The following NFATC2 variants were observed in gnomAD, a reference collection of about 807,000 sequenced individuals.
The protein encoded by NFATC2 is nuclear factor of activated T-cells, cytoplasmic 2.
NFATC2 carries 22 observed loss-of-function variants against 87.3 expected under a neutral mutation model. That is an observed-to-expected ratio of 0.25 (90% CI 0.18 to 0.36). NFATC2 has a LOEUF of 0.36. Ranked by LOEUF, NFATC2 falls within the 10% of genes least tolerant of loss-of-function variation. The probability of loss-of-function intolerance (pLI) is 1.00; values close to 1 mark genes in which losing one functional copy is unlikely to be tolerated. For synonymous variants in NFATC2, 565 were observed against 542.2 expected (o/e 1.04, Z -0.58); for missense variants, 1,149 against 1,259.1 (o/e 0.91, Z 1.32).
chr20:51,465,673 A>T lies in NFATC2; in HGVS notation c.1708+8307T>A, dbSNP rs78614847. 3.3e-3 allele frequency among the ~76,000 whole-genome samples: 499 copies of T among 152,160 alleles called. 3 individuals carry two copies. The highest frequency in any genetic ancestry group is 5.4e-3 in the Non-Finnish European group (368 of 68,012). ...CTCACAGGGGCCTTCCCTGATCGGCATGACAGACACATATTTAACCAGCCT... is the reference window on the plus strand; with the variant it reads ...CTCACAGGGGCCTTCCCTGATCGGCTTGACAGACACATATTTAACCAGCCT... On this transcript the variant is annotated intron_variant, in intron 5 of 10. Transcript: ENST00000371564.
chr20:51,444,850 C>G (rs530269256), intron 6 of NFATC2, among the ~76,000 whole-genome samples: 9 of 152,160 alleles, frequency 5.9e-5, no homozygotes, highest in African/African-American at 1.9e-4. Flanking sequence ...CAGGAATGGC[C>G]CCCCCAGCTT....
chr20:51,523,998 C>G lies in NFATC2; in HGVS notation c.243G>C (p.Glu81Asp). ...PYSPLASLSG[E>D]PPGRFGEPDR... is the part of the protein sequence containing the mutation. ...CCGGCTCTCCGAATCGGCCGGGGGGCTCGCCAGAGAGACTAGCAAGGGGGC... is the reference window on the plus strand; with the variant it reads ...CCGGCTCTCCGAATCGGCCGGGGGGGTCGCCAGAGAGACTAGCAAGGGGGC... Residue 81 changes from glutamate (E) to aspartate (D), a missense_variant, in exon 2 of 11, where the codon GAG (glutamate) becomes GAC (aspartate). Physicochemically the swap from Glu to Asp is conservative, Grantham distance 45. This residue lies in a region of NFATC2 where 563 missense variants were observed against 585.2 expected (regional missense o/e 0.96). Transcript: ENST00000371564. This position sits in a 1 kb window ranked among gnomAD's most constrained non-coding sequence, Gnocchi z 6.9. 2.6e-6 allele frequency: 4 copies of G among 1,568,044 alleles called. No individual in the cohort carries two copies. Among genetic ancestry groups the G allele is most frequent in the Non-Finnish European group, 3.4e-6 (4 of 1,162,564 alleles).
At chr20:51,423,540 A>G (rs2146309094) in intron 9 of NFATC2, among the ~76,000 whole-genome samples, 1 of 152,286 alleles carries the variant, frequency 6.6e-6, no homozygotes, top group Non-Finnish European at 1.5e-5. Context: ...AGGGCCTTTA[A>G]AATTGGTTAT....
At chr20:51,530,935 C>T (rs375160706) in intron 1 of NFATC2, among the ~76,000 whole-genome samples, 4 of 152,290 alleles carry the variant, frequency 2.6e-5, no homozygotes. Context: ...TTCTTAGAGG[C>T]AGATAGGAGT....
intron 3 of NFATC2, among the ~76,000 whole-genome samples, chr20:51,490,047 T>C (rs908926609): frequency 6.6e-6 from 1 of 152,210 alleles, no homozygotes; most frequent in African/African-American, 2.4e-5. Flanking sequence ...TCAACAAATA[T>C]TTGTTAAGTT....
At chr20:51,481,567 T>C (rs1490115054) in intron 3 of NFATC2, among the ~76,000 whole-genome samples, 1 of 152,126 alleles carries the variant, frequency 6.6e-6, no homozygotes, top group Non-Finnish European at 1.5e-5. Flanking sequence ...GTGCTTCTAG[T>C]GCACACCGTG....
chr20:51,394,265 T>TC (rs1341351311), intron 10 of NFATC2, among the ~76,000 whole-genome samples: 4 of 151,362 alleles, frequency 2.6e-5, no homozygotes, highest in Admixed American at 6.6e-5. Flanking sequence ...GAGAGGGGGG[T>TC]CTCTGCTCAA....
Position 51,480,646 on chromosome 20 carries a change from G to A in NFATC2, c.1333-4986C>T, listed in dbSNP as rs1339838758. 6.6e-6 allele frequency among the ~76,000 whole-genome samples: 1 copy of A among 152,192 alleles called. No individual in the cohort carries two copies. Among genetic ancestry groups the A allele is most frequent in the Non-Finnish European group, 1.5e-5 (1 of 68,044 alleles). On this transcript the variant is annotated intron_variant, in intron 3 of 10. Coordinates refer to ENST00000371564, the MANE Select transcript of NFATC2 (RefSeq NM_012340.5). This position sits in a 1 kb window ranked among gnomAD's most constrained non-coding sequence, Gnocchi z 4.2. ...CAGACATATCTGAATTTCGATGCCA[G>A]CTCTGCTTCTTGATGGCTGTGTGAC...
Position 51,435,726 on chromosome 20 carries a change from C to G in NFATC2, c.1885G>C (p.Asp629His). The stretch of plus-strand genomic sequence containing the variant: ...CTTACGGGCTGGCTCTTGTCCTTAT[C>G]CACCGTGGCTTCCATCTCCCAAATT... ...QQIWEMEATV[D>H]KDKSQPNMLF... is the part of the protein sequence containing the mutation. The change falls in exon 7 of 11, where the codon GAT (aspartate) becomes CAT (histidine). Residue 629 changes from aspartate (D) to histidine (H), a missense_variant. By Grantham distance (81) the Asp-to-His change is moderately conservative. Transcript: ENST00000371564. The G allele has an allele frequency of 6.2e-7, 1 of 1,609,528 alleles. No homozygotes were observed. Among genetic ancestry groups the G allele is most frequent in the Admixed American group, 1.7e-5 (1 of 59,584 alleles).
chr20:51,435,722 T>G lies in NFATC2; in HGVS notation c.1889A>C (p.Lys630Thr). ...QIWEMEATVDKDKSQPNMLFV... is the reference protein window; with the variant it reads ...QIWEMEATVDTDKSQPNMLFV... ...CGTGCTTACGGGCTGGCTCTTGTCC[T>G]TATCCACCGTGGCTTCCATCTCCCA... The change falls in exon 7 of 11, where the codon AAG (lysine) becomes ACG (threonine). Residue 630 changes from lysine to threonine, a missense_variant. This residue lies in a region of NFATC2 where 581 missense variants were observed against 649.7 expected (regional missense o/e 0.89). Coordinates refer to ENST00000371564, the MANE Select transcript of NFATC2 (RefSeq NM_012340.5). The G allele has an allele frequency of 3.7e-6, 6 of 1,609,652 alleles. No homozygotes were observed. Among genetic ancestry groups the G allele is most frequent in the Non-Finnish European group, 5.1e-6 (6 of 1,177,918 alleles).
At chr20:51,428,630 G>A (rs865929057) in intron 9 of NFATC2, among the ~76,000 whole-genome samples, 34 of 152,294 alleles carry the variant, frequency 2.2e-4, no homozygotes, top group African/African-American at 7.7e-4. Context: ...TGCAGGAAAC[G>A]ATAACTCAGA....
intron 5 of NFATC2, among the ~76,000 whole-genome samples, chr20:51,463,866 C>T (rs1395919929): frequency 2.6e-5 from 4 of 152,158 alleles, no homozygotes; most frequent in Admixed American, 6.5e-5. Context: ...GTGGGTACAT[C>T]GTAGGTGTTC....
chr20:51,464,738 T>C, intron 5 of NFATC2, among the ~76,000 whole-genome samples: 1 of 152,254 alleles, frequency 6.6e-6, no homozygotes, highest in Non-Finnish European at 1.5e-5. Flanking sequence ...CTCTGATTTA[T>C]AATGAGATGA....
chr20:51,526,247 T>C (rs1045074320), intron 1 of NFATC2, among the ~76,000 whole-genome samples: 1 of 152,120 alleles, frequency 6.6e-6, no homozygotes, highest in Non-Finnish European at 1.5e-5. Flanking sequence ...CCACAGCCCA[T>C]GGGCCAAATG....
Position 51,555,321 on chromosome 20 carries a change from C to T in NFATC2, c.70+7239G>A, listed in dbSNP as rs552659327. On this transcript the variant is annotated intron_variant, in intron 1 of 10. Coordinates refer to the NFATC2 transcript ENST00000414705. ...TACAAGATCCTATGTGGGCCGGGTG[C>T]GGTGGCTCATGCCTGTAATCCCAGC... Among the ~76,000 whole-genome samples the T allele has an allele frequency of 4.6e-5, 7 of 152,212 alleles. No individual in the cohort carries two copies. The South Asian group carries it at 8.3e-4, about 18-fold the overall frequency.
At chr20:51,518,009 G>T (rs1252056689) in intron 2 of NFATC2, among the ~76,000 whole-genome samples, 1 of 152,120 alleles carries the variant, frequency 6.6e-6, no homozygotes, top group Admixed American at 6.5e-5. Context: ...ATCATGGGGG[G>T]CATGATTGTA....
intron 1 of NFATC2, among the ~76,000 whole-genome samples, chr20:51,532,114 T>A (rs74710835): frequency 0.054 from 8,255 of 152,200 alleles, 546 homozygotes; most frequent in African/African-American, 0.15. Context: ...TACTAGCACA[T>A]CTATACCACT....
intron 3 of NFATC2, among the ~76,000 whole-genome samples, chr20:51,487,619 A>G (rs1989824166): frequency 6.6e-6 from 1 of 152,222 alleles, no homozygotes; most frequent in Non-Finnish European, 1.5e-5. Context: ...GCCACAGCTG[A>G]AAAAGAACCC....
At chr20:51,529,673 A>G (rs1231055708) in intron 1 of NFATC2, among the ~76,000 whole-genome samples, 1 of 151,960 alleles carries the variant, frequency 6.6e-6, no homozygotes, top group Non-Finnish European at 1.5e-5. Flanking sequence ...TTTTTTAACC[A>G]CTTGCACGAT....
Sources: gnomAD v4.1 joint callset for allele counts (sites outside exome capture counted in the v4.1 genomes callset) on GRCh38, gnomAD v4.1.1 for gene constraint, gnomAD v4.1.1 regional missense constraint, Gnocchi (gnomAD v3.1) non-coding constraint, MANE v1.5 for transcripts, NCBI Gene and HGNC (gene_info 2026-07-23, HGNC 2026-07-21) for gene names.